EP300: variants seen among roughly 807,000 people sequenced by gnomAD.
EP300 encodes the protein EP300 lysine acetyltransferase.
Under a neutral mutation model 264.0 loss-of-function variants are expected in EP300, and 31 were observed. That is an observed-to-expected ratio of 0.12 (90% confidence interval 0.09 to 0.16). The LOEUF (loss-of-function observed/expected upper bound fraction) is 0.16. EP300 is among the 10% of genes least tolerant of loss of function. EP300 has a pLI of 1.00. For synonymous variants in EP300, 1,340 were observed against 1,045.4 expected, an observed-to-expected ratio of 1.28 and a Z score of -5.44; for missense variants, 2,766 against 3,052.9, an observed-to-expected ratio of 0.91 and a Z score of 2.21.
chr22:41,158,728 T>C (rs2059091423), intron 19 of EP300: 1 of 519,784 alleles, frequency 1.9e-6, no homozygotes, highest in East Asian at 3.4e-5. Flanking sequence ...GCTTGAGAAG[T>C]TAAGCAACTT....
intron 1 of EP300, among the ~76,000 whole-genome samples, chr22:41,107,571 A>G (rs1039149149): frequency 1.2e-4 from 18 of 152,124 alleles, no homozygotes; most frequent in African/African-American, 4.3e-4. Context: ...AGTGTTTGGG[A>G]TTATATTTTT....
intron 6 of EP300, among the ~76,000 whole-genome samples, chr22:41,134,378 T>C (rs145178748): frequency 6.6e-6 from 1 of 152,170 alleles, no homozygotes; most frequent in African/African-American, 2.4e-5. Context: ...TGTGTGTGTG[T>C]GTGAGATTGG....
chr22:41,120,630 A>G (rs1007747667), intron 2 of EP300, among the ~76,000 whole-genome samples: 3 of 152,176 alleles, frequency 2.0e-5, no homozygotes, highest in Non-Finnish European at 2.9e-5. Context: ...AGTCTGACCT[A>G]TGGTGATTTA....
chr22:41,092,720 G>C lies in EP300; in HGVS notation c.-285G>C, dbSNP rs770493940. 1.6e-6 allele frequency: 1 copy of C among 613,308 alleles called. No individual in the cohort carries two copies. Among genetic ancestry groups the C allele is most frequent in the Non-Finnish European group, 3.0e-6 (1 of 337,836 alleles). The allele number at this position is 613,308 out of a possible 1,614,324, so 38.0% of individuals were successfully genotyped here. On this transcript the variant is annotated 5_prime_UTR_variant, in exon 1 of 31. Transcript: ENST00000263253. ...CGCCTCTAGAGCCGCGAGTTCTCGG[G>C]AATTCGCCGCAGCGGACGCGCTCGG...
rs2145749792 is a variant in EP300, at chr22:41,158,497, A to G, written c.3587A>G (p.Asn1196Ser). The G allele has an allele frequency of 1.2e-6, 2 of 1,613,976 alleles. No homozygotes were observed. The highest frequency in any genetic ancestry group is 8.5e-7 in the Non-Finnish European group (1 of 1,179,878). ...GATGCCACTTATTACAGTTACCAGA[A>G]CAGGTAAGCTTGGCCAGGTGTGGAC... Reference protein sequence around the residue: ...PRDATYYSYQNRYHFCEKCFN... With the variant: ...PRDATYYSYQSRYHFCEKCFN... Residue 1196 changes from asparagine to serine, a missense_variant, in exon 19 of 31, where the codon AAC (asparagine) becomes AGC (serine). Transcript: ENST00000263253.
rs764333771 is a variant in EP300 at position 41,150,066 on chromosome 22, A to G, written c.2685A>G (p.Gln895=). The G allele has an allele frequency of 3.1e-6, 5 of 1,613,712 alleles. No individual in the cohort carries two copies. The South Asian group carries it at 3.3e-5, about 11-fold the overall frequency. The change falls in exon 14 of 31, where the codon CAA becomes CAG. Residue 895 remains glutamine (Q), a synonymous_variant. Coordinates refer to ENST00000263253, the MANE Select transcript of EP300 (RefSeq NM_001429.4). ...CACCACCAACAACACAACTTCCCCA[A>G]CAAGTGCAGCCTTCACTTCCTGCTG... ...TPTPPTTQLP[Q]QVQPSLPAAP...
At chr22:41,131,689 A>C in intron 6 of EP300, 56 bp downstream of exon 6, 2 of 1,611,018 alleles carry the variant, frequency 1.2e-6, no homozygotes, top group Non-Finnish European at 1.7e-6. Flanking sequence ...AATGACATCT[A>C]TAAACACAGT....
chr22:41,140,754 C>G (rs1258990734), intron 9 of EP300, among the ~76,000 whole-genome samples: 1 of 152,082 alleles, frequency 6.6e-6, no homozygotes, highest in Non-Finnish European at 1.5e-5. Context: ...TTCGGGATTG[C>G]GCTGCTGGTG....
chr22:41,160,395 G>A (rs1397838038), intron 19 of EP300: 6 of 416,152 alleles, frequency 1.4e-5, no homozygotes, highest in African/African-American at 8.9e-5. Flanking sequence ...CATGCTTGTC[G>A]TTGTCTGCAC....
At chr22:41,158,617 TA>T (rs2059090683) in intron 19 of EP300, 117 bp downstream of exon 19, 2 of 807,644 alleles carry the variant, frequency 2.5e-6, no homozygotes, top group Non-Finnish European at 4.2e-6. Flanking sequence ...AAGACAGCTG[TA>T]TAGCACAAGT....
intron 8 of EP300, 137 bp from the exon 9 acceptor site, chr22:41,140,003 A>C: frequency 1.5e-6 from 1 of 683,832 alleles, no homozygotes; most frequent in Non-Finnish European, 2.6e-6. Context: ...ACAAAAAGAT[A>C]ATTTCATTTC....
chr22:41,155,424 G>A (rs897462839), intron 17 of EP300, among the ~76,000 whole-genome samples: 6 of 152,034 alleles, frequency 3.9e-5, no homozygotes, highest in African/African-American at 7.2e-5. Flanking sequence ...AGTAGAGACG[G>A]GGTTTCGCCA....
chr22:41,172,058 A>G (rs1313240677), intron 27 of EP300, among the ~76,000 whole-genome samples: 1 of 152,196 alleles, frequency 6.6e-6, no homozygotes, highest in Non-Finnish European at 1.5e-5. Flanking sequence ...AGCAGATACT[A>G]TTTCCAGTAT....
intron 1 of EP300, among the ~76,000 whole-genome samples, chr22:41,103,482 A>G (rs937336882): frequency 6.6e-6 from 1 of 152,168 alleles, no homozygotes; most frequent in East Asian, 1.9e-4. Flanking sequence ...AATGTTATAT[A>G]TAAAGGCAGG....
intron 26 of EP300, 138 bp downstream of exon 26, chr22:41,169,754 G>T: frequency 1.5e-6 from 1 of 656,250 alleles, no homozygotes; most frequent in Middle Eastern, 4.1e-4. Flanking sequence ...TCTTAACTTT[G>T]TTGGAGCCCC....
At chr22:41,173,417 G>C (rs1280156461) in intron 28 of EP300, among the ~76,000 whole-genome samples, 1 of 152,118 alleles carries the variant, frequency 6.6e-6, no homozygotes, top group Non-Finnish European at 1.5e-5. Context: ...AAGCTAAAGG[G>C]CTGCCATTGC....
rs980538760 is a variant in EP300, at chr22:41,168,210, A to G, written c.3875-239A>G. 9.4e-6 allele frequency: 5 copies of G among 533,872 alleles called. No homozygotes were observed. The African/African-American group carries it at 9.5e-5, about 10-fold the overall frequency. 33.1% of individuals were successfully genotyped at this position (533,872 alleles called of 1,614,324 possible). A position where few individuals can be genotyped will look rare whatever the true frequency, so the allele number is the denominator to read the frequency against. On this transcript the variant is annotated intron_variant, in intron 23 of 30. Coordinates refer to ENST00000263253, the MANE Select transcript of EP300 (RefSeq NM_001429.4). ...AAATGATATTTAGAAATTATTGAGT[A>G]CTGTGTCTGCTTTAATAGCACATGT...
At chr22:41,112,384 A>C (rs988733027) in intron 1 of EP300, among the ~76,000 whole-genome samples, 8 of 151,140 alleles carry the variant, frequency 5.3e-5, no homozygotes, top group African/African-American at 2.0e-4. Flanking sequence ...TTTTTAGTAG[A>C]GATGTGGTTT....
At chr22:41,173,072 G>A (rs2059180000) in intron 28 of EP300, among the ~76,000 whole-genome samples, 1 of 152,138 alleles carries the variant, frequency 6.6e-6, no homozygotes, top group African/African-American at 2.4e-5. Flanking sequence ...AAATAGGCCT[G>A]AGCCAGAATT....
Sources: allele counts gnomAD v4.1 joint callset (sites outside exome capture counted in the v4.1 genomes callset), GRCh38; gene constraint gnomAD v4.1.1; transcripts MANE v1.5; gene names NCBI Gene and HGNC (gene_info 2026-07-23, HGNC 2026-07-21).